The following FAP variants were observed in gnomAD, a reference collection of about 807,000 sequenced individuals.
FAP encodes the protein prolyl endopeptidase FAP.
Under a neutral mutation model 126.5 loss-of-function variants are expected in FAP, and 110 were observed. That is an observed-to-expected ratio of 0.87 (90% confidence interval 0.74 to 1.02). The LOEUF (loss-of-function observed/expected upper bound fraction) is 1.02. FAP is among the 50% of genes least tolerant of loss of function. FAP has a pLI of 0.00. For missense variants in FAP, 919 were observed against 909.2 expected (o/e 1.01, Z -0.14); for synonymous variants, 334 against 297.3 (o/e 1.12, Z -1.27).
chr2:162,182,801 TAA>T (rs1559763026), intron 21 of FAP, among the ~76,000 whole-genome samples: 1 of 152,232 alleles, frequency 6.6e-6, no homozygotes, highest in African/African-American at 2.4e-5. Flanking sequence ...CCATAAACGA[TAA>T]GTTTTGCCAC....
At chr2:162,193,840 C>T (rs1344018766) in intron 17 of FAP, 3 of 152,070 alleles carry the variant, frequency 2.0e-5, no homozygotes, top group African/African-American at 7.2e-5. Flanking sequence ...AATCCCAAGG[C>T]AGTCTCCTGA....
chr2:162,197,936 T>G (rs1688322195), intron 16 of FAP, among the ~76,000 whole-genome samples: 1 of 152,154 alleles, frequency 6.6e-6, no homozygotes, highest in African/African-American at 2.4e-5. Context: ...GATTCCCGAG[T>G]CAGTTTTCCA....
At chr2:162,235,517 C>A (rs1690091371) in intron 2 of FAP, among the ~76,000 whole-genome samples, 1 of 152,154 alleles carries the variant, frequency 6.6e-6, no homozygotes, top group Admixed American at 6.5e-5. Flanking sequence ...GTAAATACAC[C>A]CATTGACACT....
chr2:162,224,326 A>G (rs1004419540), intron 5 of FAP, 140 bp downstream of exon 5: 9 of 586,218 alleles, frequency 1.5e-5, no homozygotes, highest in African/African-American at 3.9e-5. Flanking sequence ...ATTGAAACAT[A>G]TCATGCTGAA....
intron 19 of FAP, 57 bp from the exon 20 acceptor site, chr2:162,188,420 C>A: frequency 6.9e-7 from 1 of 1,456,536 alleles, no homozygotes; most frequent in South Asian, 1.2e-5. Flanking sequence ...ACTCAATTTC[C>A]CATCCTGGCC....
In FAP at chr2:162,226,485, A is replaced by G. The variant is rs768961282; in HGVS notation, c.190+38T>C. ...CACTAAAATAAAAACCAAACAAAATACATAAAAAAAACCCCTAAAGATAAA... is the reference window on the plus strand; with the variant it reads ...CACTAAAATAAAAACCAAACAAAATGCATAAAAAAAACCCCTAAAGATAAA... On this transcript the variant is annotated intron_variant, in intron 3 of 25. Coordinates refer to ENST00000188790, the MANE Select transcript of FAP (RefSeq NM_004460.5). 1.6e-5 allele frequency: 18 copies of G among 1,105,000 alleles called. No homozygotes were observed. The Admixed American group carries it at 3.3e-4, about 20-fold the overall frequency. 68.4% of individuals were successfully genotyped at this position (1,105,000 alleles called of 1,614,324 possible). A position where few individuals can be genotyped will look rare whatever the true frequency, so the allele number is the denominator to read the frequency against.
At position 162,227,216 on chromosome 2, in the gene FAP, T is replaced by C. The variant is rs74843390; in HGVS notation, c.92-595A>G. Among the ~76,000 whole-genome samples, 56 of 152,278 alleles carry C rather than the reference T, an allele frequency of 3.7e-4. No individual in the cohort carries two copies. In the East Asian group the frequency reaches 8.9e-3, roughly 24 times the overall value. On this transcript the variant is annotated intron_variant, in intron 2 of 25. Coordinates refer to ENST00000188790, the MANE Select transcript of FAP (RefSeq NM_004460.5). ...AATTTTCTCATACTATGGATTTTTA[T>C]ATAAAGAAAGTAGACCAAAAGAAAA...
At chr2:162,240,871 G>A (rs1279457718) in intron 2 of FAP, among the ~76,000 whole-genome samples, 2 of 152,186 alleles carry the variant, frequency 1.3e-5, no homozygotes, top group African/African-American at 4.8e-5. Flanking sequence ...GGGCAGATGT[G>A]AGAGTGAGGA....
chr2:162,212,728 T>A (rs1688993120), intron 11 of FAP, among the ~76,000 whole-genome samples: 1 of 152,202 alleles, frequency 6.6e-6, no homozygotes, highest in South Asian at 2.1e-4. Context: ...CTATATTTGT[T>A]TTAATGAAAC....
At chr2:162,227,221 A>G (rs1310035248) in intron 2 of FAP, among the ~76,000 whole-genome samples, 2 of 152,180 alleles carry the variant, frequency 1.3e-5, no homozygotes, top group African/African-American at 4.8e-5. Context: ...TTTTATATAA[A>G]GAAAGTAGAC....
At chr2:162,196,511 T>A (rs966950881) in intron 16 of FAP, among the ~76,000 whole-genome samples, 3 of 151,240 alleles carry the variant, frequency 2.0e-5, no homozygotes, top group East Asian at 3.9e-4. Context: ...AATGGAAACT[T>A]GCATATCTTT....
At chr2:162,211,950 TG>T (rs1688954348) in intron 11 of FAP, among the ~76,000 whole-genome samples, 2 of 152,200 alleles carry the variant, frequency 1.3e-5, no homozygotes, top group Non-Finnish European at 2.9e-5. Flanking sequence ...GGATGGTTTC[TG>T]GGAAATTCGA....
At chr2:162,197,062 A>G (rs1174626963) in intron 16 of FAP, among the ~76,000 whole-genome samples, 1 of 152,256 alleles carries the variant, frequency 6.6e-6, no homozygotes, top group Admixed American at 6.5e-5. Context: ...CCTTCCAAAA[A>G]CATTAAAGCA....
rs1471047499 is a variant in FAP, at chr2:162,215,907, A to G, written c.857T>C (p.Ile286Thr). 1.2e-6 allele frequency: 2 copies of G among 1,611,480 alleles called. No individual in the cohort carries two copies. The highest frequency in any genetic ancestry group is 1.7e-6 in the Non-Finnish European group (2 of 1,177,532). Residue 286 changes from isoleucine (I) to threonine (T), a missense_variant, in exon 10 of 26, where the codon ATA (isoleucine) becomes ACA (threonine). Ile to Thr is a moderately conservative substitution (Grantham distance 89). Coordinates refer to ENST00000188790, the MANE Select transcript of FAP (RefSeq NM_004460.5). ...ATCTGAGATGAACTACCTTGAGGCT[A>G]TCATTGCTGGAACAGGCACTTCCTG... ...GPQEVPVPAM[I>T]ASSDYYFSWL...
At position 162,200,134 on chromosome 2, in the gene FAP, C is replaced by T. The variant is rs370452514; in HGVS notation, c.1277+432G>A. Among the ~76,000 whole-genome samples the T allele has an allele frequency of 9.2e-5, 14 of 152,290 alleles. No homozygotes were observed. In the East Asian group the frequency reaches 2.5e-3, roughly 27 times the overall value. On this transcript the variant is annotated intron_variant, in intron 15 of 25. Transcript: ENST00000188790. ...TTCAGTCCTCAAGGGAACAACTGGA[C>T]TGAATGTAAACACTAATATAGGAAC...
chr2:162,189,943 T>C (rs1457616070), intron 17 of FAP, among the ~76,000 whole-genome samples, 189 bp from the exon 18 acceptor site: 6 of 151,994 alleles, frequency 3.9e-5, no homozygotes, highest in Non-Finnish European at 8.8e-5. Context: ...ATGAAGGACA[T>C]CACATTTTAA....
At chr2:162,199,856 G>C (rs1383900443) in intron 15 of FAP, among the ~76,000 whole-genome samples, 1 of 152,222 alleles carries the variant, frequency 6.6e-6, no homozygotes, top group Non-Finnish European at 1.5e-5. Context: ...GGGTTAGTAT[G>C]TTAACATATG....
chr2:162,173,091 TAAAC>T, intron 24 of FAP, 54 bp downstream of exon 24: 1 of 1,508,504 alleles, frequency 6.6e-7, no homozygotes, highest in Non-Finnish European at 9.2e-7. Flanking sequence ...TAATGTTTCT[TAAAC>T]AAAGTGATGC....
At chr2:162,230,357 T>G (rs1689848760) in intron 2 of FAP, among the ~76,000 whole-genome samples, 1 of 152,174 alleles carries the variant, frequency 6.6e-6, no homozygotes, top group African/African-American at 2.4e-5. Context: ...TTATCTAAAT[T>G]TATTGAACAT....
Sources: gnomAD v4.1 joint callset for allele counts (sites outside exome capture counted in the v4.1 genomes callset) on GRCh38, gnomAD v4.1.1 for gene constraint, MANE v1.5 for transcripts, NCBI Gene and HGNC (gene_info 2026-07-23, HGNC 2026-07-21) for gene names.